Variants in HNRNPH1 observed in about 807,000 individuals in gnomAD.
The protein encoded by HNRNPH1 is heterogeneous nuclear ribonucleoprotein H.
A neutral mutation model predicts 58.6 loss-of-function variants in HNRNPH1; 4 were observed. The observed-to-expected ratio is 0.07, with a 90% CI of 0.03 to 0.16. HNRNPH1 has a LOEUF of 0.16. Among genes scored for constraint, HNRNPH1 ranks in the 10% least tolerant of loss-of-function variants. The pLI, the probability that HNRNPH1 is intolerant of heterozygous loss-of-function variation, is 1.00. For missense variants in HNRNPH1, 271 were observed against 564.2 expected, an observed-to-expected ratio of 0.48 and a Z score of 5.26; for synonymous variants, 192 against 189.2, an observed-to-expected ratio of 1.01 and a Z score of -0.12.
exon 11 of HNRNPH1, chr5:179,616,211 C>T: frequency 6.2e-7 from 1 of 1,613,946 alleles, no homozygotes; most frequent in East Asian, 2.2e-5. Flanking sequence ...CGTAGCTGGA[C>T]TGGTTTGCTG....
At chr5:179,624,548 A>G in exon 1 of HNRNPH1, 1 of 398,712 alleles carries the variant, frequency 2.5e-6, no homozygotes, top group Non-Finnish European at 4.4e-6. Flanking sequence ...CATCTCCCAG[A>G]GCAGAATTGG....
At chr5:179,614,910 T>C (rs1191745114) in exon 13 of HNRNPH1, 5 of 1,550,232 alleles carry the variant, frequency 3.2e-6, no homozygotes, top group Admixed American at 2.0e-5. Context: ...CGCCCATAGA[T>C]GCACGGCTTC....
exon 13 of HNRNPH1, chr5:179,614,842 T>TA (rs1168774594): frequency 7.3e-7 from 1 of 1,376,036 alleles, no homozygotes; most frequent in Non-Finnish European, 1.0e-6. Context: ...ATCGATCAAT[T>TA]ACATTCCCCA....
chr5:179,616,762 C>T, intron 10 of HNRNPH1, 107 bp downstream of exon 11: 3 of 970,340 alleles, frequency 3.1e-6, no homozygotes, highest in Non-Finnish European at 4.7e-6. Flanking sequence ...AACTGCTTTG[C>T]CTAAGTTTCT....
exon 1 of HNRNPH1, chr5:179,624,322 G>A: frequency 5.1e-6 from 2 of 394,018 alleles, no homozygotes; most frequent in South Asian, 1.4e-4. Flanking sequence ...CTTACCTGCC[G>A]TCGTCGGGCC....
intron 3 of HNRNPH1, 42 bp downstream of exon 4, chr5:179,620,850 C>G: frequency 6.3e-7 from 1 of 1,596,588 alleles, no homozygotes; most frequent in Non-Finnish European, 8.6e-7. Context: ...TTGCCATAAG[C>G]TAGCCAAAAC....
At chr5:179,616,659 GACT>G (rs1405228373) in intron 10 of HNRNPH1, 2 of 580,640 alleles carry the variant, frequency 3.4e-6, no homozygotes, top group African/African-American at 1.9e-5. Context: ...CCTCCCCCAA[GACT>G]ACTTAAACCT....
At chr5:179,616,431 A>G (rs1010742702) in intron 10 of HNRNPH1, 10 of 578,260 alleles carry the variant, frequency 1.7e-5, no homozygotes, top group Middle Eastern at 4.6e-4. Flanking sequence ...CTAACGGTAC[A>G]CACATCAGCA....
In HNRNPH1 at chr5:179,617,718, AACATAGTGCTC is replaced by A. The variant is rs373143741; in HGVS notation, c.921+70_922-70del. On this transcript the variant is annotated intron_variant, in intron 7 of 12. Transcript: ENST00000356731. ...GTTACAAAAAAAACCTAAAATTTCT[AACATAGTGCTC>A]ACATTTATAGAATAAGGCTGACTTA... is the stretch of plus-strand genomic sequence containing the variant. The A allele has an allele frequency of 2.9e-5, 47 of 1,603,458 alleles. No homozygotes were observed. The African/African-American group carries it at 4.4e-4, about 15-fold the overall frequency.
chr5:179,619,565 T>C (rs983396296), intron 3 of HNRNPH1, 158 bp from the exon 5 acceptor site: 46 of 580,270 alleles, frequency 7.9e-5, no homozygotes, highest in Non-Finnish European at 1.2e-4. Flanking sequence ...TGCAATAATA[T>C]GAAGTTCCAT....
At chr5:179,633,197 G>T (rs1008199631) in intron 2 of HNRNPH1, among the ~76,000 whole-genome samples, 1 of 151,314 alleles carries the variant, frequency 6.6e-6, no homozygotes, top group African/African-American at 2.4e-5. Flanking sequence ...TCACCATGTT[G>T]GTCATGCTGG....
chr5:179,616,797 G>T, intron 10 of HNRNPH1, 72 bp downstream of exon 11: 3 of 1,267,820 alleles, frequency 2.4e-6, no homozygotes, highest in Admixed American at 4.0e-5. Context: ...TAAATAAATA[G>T]ATTAACTTAA....
exon 1 of HNRNPH1, chr5:179,624,161 G>A: frequency 4.8e-6 from 1 of 206,482 alleles, no homozygotes. Context: ...TCCCCGCGCC[G>A]CCTGTCTTCC....
chr5:179,617,410 T>C (rs1448238546), intron 8 of HNRNPH1, 104 bp downstream of exon 9: 3 of 1,314,820 alleles, frequency 2.3e-6, no homozygotes, highest in African/African-American at 2.9e-5. Flanking sequence ...AATCTATTAC[T>C]GGAGAGGAAA....
chr5:179,614,819 G>GTCAGTGATCAGGATCGC (rs1562187086), exon 13 of HNRNPH1: 2 of 824,884 alleles, frequency 2.4e-6, no homozygotes, highest in African/African-American at 3.6e-5. Context: ...TTGACCAAGA[G>GTCAGTGATCAGGATCGC]TCAGTGATCA....
At chr5:179,617,635 G>C in exon 8 of HNRNPH1, 1 of 1,612,984 alleles carries the variant, frequency 6.2e-7, no homozygotes, top group East Asian at 2.2e-5. Context: ...TCACAGGGTT[G>C]AGCGGTGAAA....
chr5:179,619,083 G>A (rs1581678066), intron 4 of HNRNPH1, 186 bp downstream of exon 5: 1 of 506,684 alleles, frequency 2.0e-6, no homozygotes, highest in East Asian at 3.4e-5. Context: ...AATTAACTAG[G>A]GACAAATTTC....
At chr5:179,625,487 C>CA (rs36011321), upstream of HNRNPH1, among the ~76,000 whole-genome samples, 25,346 of 86,172 alleles carry the variant, frequency 0.29, 3,765 homozygotes, top group African/African-American at 0.42. Context: ...GACTCCCTCT[C>CA]AAAAAAAAAA....
In HNRNPH1 at chr5:179,631,511, C is replaced by T. The variant is rs111608050; in HGVS notation, c.-32+2554G>A. ...CTGTAATCCTAGCACTTTGGGAGGC[C>T]GAGGCAGGCAAATTACCTGAGGTCG... On this transcript the variant is annotated intron_variant, in intron 2 of 4. Coordinates refer to the HNRNPH1 transcript ENST00000521116. Among the ~76,000 whole-genome samples, 711 of 151,868 alleles carry T rather than the reference C, an allele frequency of 4.7e-3. 3 individuals carry two copies. The highest frequency in any genetic ancestry group is 0.017 in the African/African-American group (692 of 41,414).
Sources: gnomAD v4.1 joint callset for allele counts (sites outside exome capture counted in the v4.1 genomes callset) on GRCh38, gnomAD v4.1.1 for gene constraint, MANE v1.5 for transcripts, NCBI Gene and HGNC (gene_info 2026-07-23, HGNC 2026-07-21) for gene names.